SREK1IP1: variants seen among roughly 807,000 people sequenced by gnomAD.
SREK1IP1 encodes the protein protein SREK1IP1.
SREK1IP1 carries 12 observed loss-of-function variants against 22.8 expected under a neutral mutation model. The ratio of observed to expected loss-of-function variants is 0.53; its 90% CI spans 0.34 to 0.85. The LOEUF (loss-of-function observed/expected upper bound fraction) is 0.85, where lower values mean the gene tolerates loss of function less well. SREK1IP1 is among the 40% of genes least tolerant of loss of function. SREK1IP1 has a pLI of 0.02. For missense variants in SREK1IP1, 147 were observed against 171.8 expected (o/e 0.86, Z 0.81); for synonymous variants, 53 against 52.7 (o/e 1.01, Z -0.02).
intron 2 of SREK1IP1, among the ~76,000 whole-genome samples, chr5:64,746,902 G>T (rs1335373021): frequency 1.3e-5 from 2 of 152,186 alleles, no homozygotes; most frequent in Non-Finnish European, 2.9e-5. Flanking sequence ...AGGTCAGGGG[G>T]TTCCCATAAC....
intron 1 of SREK1IP1, among the ~76,000 whole-genome samples, chr5:64,765,886 G>A (rs962009522): frequency 6.6e-6 from 1 of 152,194 alleles, no homozygotes; most frequent in Admixed American, 6.5e-5. Flanking sequence ...TATCACACAG[G>A]TGCCCAAAAG....
Position 64,721,528 on chromosome 5 carries a change from G to A in SREK1IP1, c.*2856C>T, listed in dbSNP as rs1742160948. 1 of 150,994 alleles carries A rather than the reference G, an allele frequency of 6.6e-6. No individual in the cohort carries two copies. The highest frequency in any genetic ancestry group is 2.4e-5 in the African/African-American group (1 of 40,926). 9.4% of individuals were successfully genotyped at this position (150,994 alleles called of 1,614,324 possible). A position where few individuals can be genotyped will look rare whatever the true frequency, so the allele number is the denominator to read the frequency against. ...GTAAATGGAGATGTATATTAAGTATGAAGAAATAGGGATACCTCTGAGAAA... is the reference window on the plus strand; with the variant it reads ...GTAAATGGAGATGTATATTAAGTATAAAGAAATAGGGATACCTCTGAGAAA... On this transcript the variant is annotated 3_prime_UTR_variant, in exon 5 of 5. Coordinates refer to ENST00000513458, the MANE Select transcript of SREK1IP1 (RefSeq NM_173829.4).
intron 2 of SREK1IP1, among the ~76,000 whole-genome samples, chr5:64,751,496 A>G (rs762238739): frequency 5.3e-5 from 8 of 152,254 alleles, no homozygotes; most frequent in African/African-American, 7.2e-5. Flanking sequence ...GTAAAAGGAA[A>G]AAAATAATCT....
chr5:64,754,923 A>C (rs2112108679), intron 1 of SREK1IP1, among the ~76,000 whole-genome samples: 1 of 152,310 alleles, frequency 6.6e-6, no homozygotes, highest in Admixed American at 6.5e-5. Flanking sequence ...ATATAATAAA[A>C]TAAGACAAAC....
intron 3 of SREK1IP1, among the ~76,000 whole-genome samples, chr5:64,731,980 G>A (rs1209005312): frequency 6.6e-6 from 1 of 152,110 alleles, no homozygotes; most frequent in Admixed American, 6.5e-5. Flanking sequence ...ACAGGATGGG[G>A]GAAATAAGGC....
rs193054771 is a variant in SREK1IP1, at chr5:64,736,515, G to A, written c.205+4542C>T. Among the ~76,000 whole-genome samples the A allele has an allele frequency of 1.3e-3, 191 of 150,074 alleles. 9 individuals are homozygous for A. The highest frequency in any genetic ancestry group is 2.2e-3 in the Admixed American group (33 of 15,046). On this transcript the variant is annotated intron_variant, in intron 3 of 4. Coordinates refer to ENST00000513458, the MANE Select transcript of SREK1IP1 (RefSeq NM_173829.4). ...TTCACTCTGTTGCTCAGGCTGGAAT[G>A]CAGTGGCATGATCTCGGCTCACTGC... is the stretch of plus-strand genomic sequence containing the variant.
At chr5:64,764,651 G>GATA (rs1469412398) in intron 1 of SREK1IP1, among the ~76,000 whole-genome samples, 2 of 152,208 alleles carry the variant, frequency 1.3e-5, no homozygotes, top group African/African-American at 4.8e-5. Context: ...ACTCCATTAT[G>GATA]GAGACACAAA....
At chr5:64,746,242 AATATAAAACC>A (rs1188490646) in intron 2 of SREK1IP1, among the ~76,000 whole-genome samples, 1 of 152,216 alleles carries the variant, frequency 6.6e-6, no homozygotes, top group Non-Finnish European at 1.5e-5. Context: ...AATAAAATAA[AATATAAAACC>A]ATAAAGCTCT....
At chr5:64,724,623 A>C in intron 4 of SREK1IP1, 50 bp from the exon 5 acceptor site, 1 of 1,360,458 alleles carries the variant, frequency 7.4e-7, no homozygotes. Context: ...TGACTGATAG[A>C]TAAATTTAAG....
intron 4 of SREK1IP1, among the ~76,000 whole-genome samples, chr5:64,724,860 T>C (rs1029609775): frequency 6.6e-6 from 1 of 152,190 alleles, no homozygotes; most frequent in African/African-American, 2.4e-5. Flanking sequence ...TGGTTTTTCA[T>C]GCAGTCATAT....
chr5:64,760,415 A>T (rs1430319010), intron 1 of SREK1IP1, among the ~76,000 whole-genome samples: 1 of 152,252 alleles, frequency 6.6e-6, no homozygotes, highest in Non-Finnish European at 1.5e-5. Context: ...AGGTGGGGGG[A>T]AAGTCTCTTG....
intron 1 of SREK1IP1, among the ~76,000 whole-genome samples, chr5:64,755,832 T>C (rs916099066): frequency 6.6e-6 from 1 of 151,748 alleles, no homozygotes; most frequent in Admixed American, 6.6e-5. Context: ...TAAAATAATT[T>C]ATATATATAT....
In SREK1IP1 at chr5:64,768,640, G is replaced by T. The variant is rs1420410200; in HGVS notation, c.-123C>A. ...CTTCCCCCAGCGCAGCAGCACCCTCGCTACGGTCGGGAAGGGCCTGTACGC... is the reference window on the plus strand; with the variant it reads ...CTTCCCCCAGCGCAGCAGCACCCTCTCTACGGTCGGGAAGGGCCTGTACGC... On this transcript the variant is annotated 5_prime_UTR_variant, in exon 1 of 5. Coordinates refer to ENST00000513458, the MANE Select transcript of SREK1IP1 (RefSeq NM_173829.4). The T allele has an allele frequency of 1.1e-5, 15 of 1,425,132 alleles. No individual in the cohort carries two copies. The highest frequency in any genetic ancestry group is 8.4e-5 in the African/African-American group (6 of 71,462). The allele number at this position is 1,425,132 out of a possible 1,614,324, so 88.3% of individuals were successfully genotyped here. A position where few individuals can be genotyped will look rare whatever the true frequency, so the allele number is the denominator to read the frequency against.
At chr5:64,749,109 A>T (rs186284895) in intron 2 of SREK1IP1, among the ~76,000 whole-genome samples, 2 of 144,798 alleles carry the variant, frequency 1.4e-5, no homozygotes, top group East Asian at 2.1e-4. Context: ...ATAATAATAA[A>T]AACCCTCCAG....
intron 4 of SREK1IP1, among the ~76,000 whole-genome samples, chr5:64,725,856 T>C (rs796677647): frequency 1.4e-5 from 2 of 147,424 alleles, no homozygotes; most frequent in African/African-American, 5.2e-5. Flanking sequence ...TTTTTTTGTT[T>C]GTTTCTTTTT....
At chr5:64,730,893 G>A (rs1005072417) in intron 3 of SREK1IP1, among the ~76,000 whole-genome samples, 2 of 152,148 alleles carry the variant, frequency 1.3e-5, no homozygotes, top group Non-Finnish European at 2.9e-5. Context: ...AAGGGTAAAA[G>A]ATAAAGAAAG....
chr5:64,725,667 T>G (rs967039293), intron 4 of SREK1IP1, among the ~76,000 whole-genome samples: 1 of 152,118 alleles, frequency 6.6e-6, no homozygotes, highest in Non-Finnish European at 1.5e-5. Context: ...AGACTTCCAA[T>G]CATCTGTTAA....
chr5:64,754,356 T>C lies in SREK1IP1; in HGVS notation c.20A>G (p.Asn7Ser). MAVPGC[N>S]KDSVRAGCKK... The stretch of plus-strand genomic sequence containing the variant: ...ACAGCCTGCTCTGACACTGTCCTTG[T>C]TGCAACCTGAAATACAATTGGATAG... The change falls in exon 2 of 5, where the codon AAC becomes AGC. Residue 7 changes from asparagine (N) to serine (S), a missense_variant. Around this residue, in one of 3 missense-constraint regions of SREK1IP1, gnomAD observed 62 missense variants for 73.3 expected, o/e 0.85. Coordinates refer to ENST00000513458, the MANE Select transcript of SREK1IP1 (RefSeq NM_173829.4). 23 of 1,613,812 alleles carry C rather than the reference T, an allele frequency of 1.4e-5. No individual in the cohort carries two copies. Among genetic ancestry groups the C allele is most frequent in the Non-Finnish European group, 1.9e-5 (23 of 1,179,756 alleles).
intron 3 of SREK1IP1, among the ~76,000 whole-genome samples, chr5:64,733,379 C>T (rs1215722653): frequency 6.6e-6 from 1 of 152,090 alleles, no homozygotes; most frequent in African/African-American, 2.4e-5. Context: ...TATATATACA[C>T]ACACACATAT....
Sources: allele counts gnomAD v4.1 joint callset (sites outside exome capture counted in the v4.1 genomes callset), GRCh38; gene constraint gnomAD v4.1.1; regional missense constraint gnomAD v4.1.1; transcripts MANE v1.5; gene names NCBI Gene and HGNC (gene_info 2026-07-23, HGNC 2026-07-21).